USP42: variants seen among roughly 807,000 people sequenced by gnomAD.
USP42 encodes ubiquitin specific peptidase 42.
Under a neutral mutation model 113.0 loss-of-function variants are expected in USP42, and 23 were observed. That is an observed-to-expected ratio of 0.20 (90% confidence interval 0.15 to 0.29). USP42 has a LOEUF of 0.29. Among genes scored for constraint, USP42 ranks in the 10% least tolerant of loss-of-function variants. The pLI is 1.00. For synonymous variants in USP42, 933 were observed against 699.0 expected (o/e 1.33, Z -5.28); for missense variants, 2,174 against 1,779.8 (o/e 1.22, Z -3.99).
upstream of USP42, among the ~76,000 whole-genome samples, chr7:6,101,425 A>T (rs374969700): frequency 6.6e-6 from 1 of 151,278 alleles, no homozygotes; most frequent in East Asian, 1.9e-4. Flanking sequence ...AATAAAGGAA[A>T]CAGGTTAAGT....
Position 6,157,125 on chromosome 7 carries a change from T to C in USP42, c.3943+70T>C, listed in dbSNP as rs1249654115. ...AATACATTTTCTTTGCAAAGGTGAT[T>C]AACATGTAGAAAGAAAACCTCAGGT... On this transcript the variant is annotated intron_variant, in intron 16 of 17. Transcript: ENST00000306177. This position sits in a 1 kb window ranked among gnomAD's most constrained non-coding sequence, Gnocchi z 4.1. The C allele has an allele frequency of 2.1e-6, 3 of 1,460,762 alleles. No homozygotes were observed. The highest frequency in any genetic ancestry group is 2.7e-6 in the Non-Finnish European group (3 of 1,112,080). 90.5% of individuals were successfully genotyped at this position (1,460,762 alleles called of 1,614,324 possible). A position where few individuals can be genotyped will look rare whatever the true frequency, so the allele number is the denominator to read the frequency against.
At chr7:6,125,707 A>G (rs990295502) in intron 3 of USP42, among the ~76,000 whole-genome samples, 2 of 151,276 alleles carry the variant, frequency 1.3e-5, no homozygotes, top group African/African-American at 2.4e-5. Flanking sequence ...ACTGCTTTTC[A>G]TTCCTTTTTA....
rs546308346 is a variant in USP42 at position 6,159,903 on chromosome 7, C to T, written c.*36+410C>T. 7.2e-5 allele frequency among the ~76,000 whole-genome samples: 11 copies of T among 152,366 alleles called. No individual in the cohort carries two copies. The highest frequency in any genetic ancestry group is 2.6e-4 in the African/African-American group (11 of 41,594). On this transcript the variant is annotated intron_variant, in intron 17 of 17. Transcript: ENST00000306177. The surrounding 1 kb of genome is among the most constrained non-coding windows in gnomAD (Gnocchi z 4.1). ...GCCTTGCTCCCTCGTCCGTCCCGTCCCCTGTGCTGCTGTCTGCGCCCCGAG... is the reference window on the plus strand; with the variant it reads ...GCCTTGCTCCCTCGTCCGTCCCGTCTCCTGTGCTGCTGTCTGCGCCCCGAG...
chr7:6,145,748 C>A, intron 10 of USP42, 92 bp downstream of exon 10: 1 of 1,401,728 alleles, frequency 7.1e-7, no homozygotes, highest in Non-Finnish European at 9.8e-7. Context: ...GGAACTTTTA[C>A]AGTTAAAATG....
intron 3 of USP42, among the ~76,000 whole-genome samples, chr7:6,122,699 T>C (rs760172830): frequency 1.3e-5 from 2 of 152,022 alleles, no homozygotes; most frequent in Non-Finnish European, 2.9e-5. Context: ...TCTTATCTCC[T>C]GGCCTTGTGA....
intron 2 of USP42, among the ~76,000 whole-genome samples, chr7:6,114,136 G>A (rs982237065): frequency 6.6e-6 from 1 of 152,066 alleles, no homozygotes; most frequent in Non-Finnish European, 1.5e-5. Flanking sequence ...GTACCTGATA[G>A]CCTGAGTTCA....
rs777947561 is a variant in USP42, at chr7:6,154,205, A to C, written c.2651A>C (p.Gln884Pro). Residue 884 changes from glutamine to proline, a missense_variant, in exon 15 of 18, where the codon CAG (glutamine) becomes CCG (proline). Physicochemically the swap from Gln to Pro is moderately conservative, Grantham distance 76 (BLOSUM62 -1). Coordinates refer to ENST00000306177, the MANE Select transcript of USP42 (RefSeq NM_032172.3). ...AGCGGGGACCACGCCCGGGACGCTCAGGACCCATCCCAGAGCTTGGGCGCA... is the reference window on the plus strand; with the variant it reads ...AGCGGGGACCACGCCCGGGACGCTCCGGACCCATCCCAGAGCTTGGGCGCA... ...HPSGDHARDAQDPSQSLGAPE... is the reference protein window; with the variant it reads ...HPSGDHARDAPDPSQSLGAPE... 6.2e-7 allele frequency: 1 copy of C among 1,606,162 alleles called. No homozygotes were observed. Among genetic ancestry groups the C allele is most frequent in the South Asian group, 1.1e-5 (1 of 90,908 alleles).
rs377447920 is a variant in USP42, at chr7:6,147,805, C to T, written c.1299C>T (p.Pro433=). The change falls in exon 12 of 18, where the codon CCC becomes CCT. Residue 433 remains proline, a synonymous_variant. Transcript: ENST00000306177. The part of the protein sequence containing the change: ...HPTHSPGQSS[P]RPVISQRVVT... ...CCCATAGCCCCGGCCAGTCCTCTCC[C>T]CGCCCCGTCATCAGTCAGCGGGTTG... 3.3e-5 allele frequency: 54 copies of T among 1,613,534 alleles called. No individual in the cohort carries two copies. Among genetic ancestry groups the T allele is most frequent in the Admixed American group, 6.7e-5 (4 of 59,952 alleles).
the USP42 span, among the ~76,000 whole-genome samples, chr7:6,096,531 G>C: frequency 2.0e-5 from 3 of 151,314 alleles, 1 homozygote; most frequent in Admixed American, 1.3e-4. Context: ...AGTTCACTCA[G>C]GTTCATCTGT....
At chr7:6,088,420 T>C in the USP42 span, among the ~76,000 whole-genome samples, 2 of 151,062 alleles carry the variant, frequency 1.3e-5, no homozygotes, top group East Asian at 3.9e-4. Flanking sequence ...CATGCCCAGC[T>C]AATTTTTATA....
chr7:6,089,982 C>T, the USP42 span, among the ~76,000 whole-genome samples: 1 of 150,364 alleles, frequency 6.7e-6, no homozygotes, highest in Non-Finnish European at 1.5e-5. Context: ...GCCTGGGCGA[C>T]AGAGCAAGAC....
intron 1 of USP42, among the ~76,000 whole-genome samples, chr7:6,110,154 A>T (rs2128475995): frequency 6.6e-6 from 1 of 152,238 alleles, no homozygotes; most frequent in African/African-American, 2.4e-5. Context: ...TTTTCTACAT[A>T]GGAGTGGCAT....
chr7:6,120,523 A>T lies in USP42; in HGVS notation c.442+5000A>T, dbSNP rs1246211780. Among the ~76,000 whole-genome samples the T allele has an allele frequency of 2.0e-5, 3 of 148,516 alleles. No individual in the cohort carries two copies. In the South Asian group the frequency reaches 6.4e-4, roughly 32 times the overall value. ...CTCCCAAAGTGCTGGGATTACAGGCATGAGACACTGTGCCCAGCCTCTTGC... is the reference window on the plus strand; with the variant it reads ...CTCCCAAAGTGCTGGGATTACAGGCTTGAGACACTGTGCCCAGCCTCTTGC... On this transcript the variant is annotated intron_variant, in intron 3 of 17. Coordinates refer to ENST00000306177, the MANE Select transcript of USP42 (RefSeq NM_032172.3).
intron 1 of USP42, among the ~76,000 whole-genome samples, chr7:6,110,607 A>T (rs901906502): frequency 6.6e-6 from 1 of 152,172 alleles, no homozygotes; most frequent in African/African-American, 2.4e-5. Context: ...TTATAATTTT[A>T]AAAAATATAA....
chr7:6,111,120 T>C lies in USP42; in HGVS notation c.-9-5T>C. The C allele has an allele frequency of 6.2e-7, 1 of 1,604,860 alleles. No homozygotes were observed. Among genetic ancestry groups the C allele is most frequent in the Non-Finnish European group, 8.5e-7 (1 of 1,172,770 alleles). Reference sequence around the variant, plus strand: ...AAACAAATACATACTTTTCATCTTTTGCAGAGTTGAACAATGACCATAGTT... The same window carrying C: ...AAACAAATACATACTTTTCATCTTTCGCAGAGTTGAACAATGACCATAGTT... On this transcript the variant is annotated splice_polypyrimidine_tract_variant and splice_region_variant and intron_variant, in intron 1 of 17. Coordinates refer to ENST00000306177, the MANE Select transcript of USP42 (RefSeq NM_032172.3).
chr7:6,113,222 G>A (rs1352365665), intron 2 of USP42, among the ~76,000 whole-genome samples: 2 of 152,070 alleles, frequency 1.3e-5, no homozygotes, highest in South Asian at 2.1e-4. Flanking sequence ...TGTGATGTGG[G>A]GGTGGGTGTT....
chr7:6,157,408 A>G lies in USP42; in HGVS notation c.3943+353A>G, dbSNP rs888646991. Reference sequence around the variant, plus strand: ...TATTTTATTTTATTTTATTTATTTTATTTTTTGAGACGGAGTCTTGCTCTA... The same window carrying G: ...TATTTTATTTTATTTTATTTATTTTGTTTTTTGAGACGGAGTCTTGCTCTA... On this transcript the variant is annotated intron_variant, in intron 16 of 17. Transcript: ENST00000306177. This position sits in a 1 kb window ranked among gnomAD's most constrained non-coding sequence, Gnocchi z 4.1. The G allele has an allele frequency of 2.0e-6, 2 of 979,674 alleles. No homozygotes were observed. Among genetic ancestry groups the G allele is most frequent in the African/African-American group, 3.5e-5 (2 of 57,104 alleles). The allele number at this position is 979,674 out of a possible 1,614,324, so 60.7% of individuals were successfully genotyped here. A position where few individuals can be genotyped will look rare whatever the true frequency, so the allele number is the denominator to read the frequency against.
In USP42 at chr7:6,161,175, T is replaced by A. The variant is rs1321847212; in HGVS notation, c.*657T>A. 6.6e-6 allele frequency: 1 copy of A among 152,654 alleles called. No individual in the cohort carries two copies. Among genetic ancestry groups the A allele is most frequent in the African/African-American group, 2.4e-5 (1 of 41,466 alleles). 9.5% of individuals were successfully genotyped at this position (152,654 alleles called of 1,614,324 possible). A position where few individuals can be genotyped will look rare whatever the true frequency, so the allele number is the denominator to read the frequency against. ...TTATGAATGTATAACCCAGACATGATTTGTAAAGCCGACAGTATGTTTCTA... is the reference window on the plus strand; with the variant it reads ...TTATGAATGTATAACCCAGACATGAATTGTAAAGCCGACAGTATGTTTCTA... On this transcript the variant is annotated 3_prime_UTR_variant, in exon 18 of 18. Coordinates refer to ENST00000306177, the MANE Select transcript of USP42 (RefSeq NM_032172.3).
Position 6,144,329 on chromosome 7 carries a change from T to G in USP42, c.990+133T>G, listed in dbSNP as rs115763324. The G allele has an allele frequency of 3.7e-3, 2,306 of 615,140 alleles. 48 individuals are homozygous for G. In the African/African-American group the frequency reaches 0.04, roughly 11 times the overall value. The allele number at this position is 615,140 out of a possible 1,614,324, so 38.1% of individuals were successfully genotyped here. On this transcript the variant is annotated intron_variant, in intron 9 of 17. Coordinates refer to ENST00000306177, the MANE Select transcript of USP42 (RefSeq NM_032172.3). ...AACTATTACCTACATTTGGGCTTCA[T>G]TGTCTGTTTTGTTGGTACCCGTGGT...
Sources: allele counts gnomAD v4.1 joint callset (sites outside exome capture counted in the v4.1 genomes callset), GRCh38; gene constraint gnomAD v4.1.1; non-coding constraint Gnocchi (gnomAD v3.1); transcripts MANE v1.5; gene names NCBI Gene and HGNC (gene_info 2026-07-23, HGNC 2026-07-21).